Variants in PRR16 observed in about 807,000 individuals in gnomAD.
The protein encoded by PRR16 is protein Largen.
A neutral mutation model predicts 18.2 loss-of-function variants in PRR16; 6 were observed. That is an observed-to-expected ratio of 0.33 (90% confidence interval 0.18 to 0.65). PRR16 has a LOEUF of 0.65. PRR16 is among the 30% of genes least tolerant of loss of function. The pLI, the probability that PRR16 is intolerant of heterozygous loss-of-function variation, is 0.74. For missense variants in PRR16, 412 were observed against 376.6 expected (o/e 1.09, Z -0.78); for synonymous variants, 151 against 147.8 (o/e 1.02, Z -0.16).
intron 1 of PRR16, among the ~76,000 whole-genome samples, chr5:120,545,021 T>C (rs13174421): frequency 0.052 from 7,977 of 152,248 alleles, 304 homozygotes; most frequent in Middle Eastern, 0.088. Flanking sequence ...GATTTCCTTG[T>C]AGCCCAAGTC....
At chr5:120,490,683 C>G (rs989511225) in intron 1 of PRR16, among the ~76,000 whole-genome samples, 7 of 152,168 alleles carry the variant, frequency 4.6e-5, no homozygotes, top group African/African-American at 1.7e-4. Context: ...AGCTTTGTTC[C>G]GTTGCTGGTG....
At chr5:120,631,967 C>G (rs1032038392) in intron 1 of PRR16, among the ~76,000 whole-genome samples, 1 of 152,102 alleles carries the variant, frequency 6.6e-6, no homozygotes, top group Non-Finnish European at 1.5e-5. Context: ...AACCAGAGAC[C>G]CTCACAGAGT....
chr5:120,573,050 C>G (rs1163366815), intron 1 of PRR16, among the ~76,000 whole-genome samples: 12 of 152,012 alleles, frequency 7.9e-5, no homozygotes, highest in Admixed American at 5.9e-4. Context: ...TTTAGTATGC[C>G]TCTTGTCTCC....
At chr5:120,667,548 G>A (rs1232855109) in intron 1 of PRR16, among the ~76,000 whole-genome samples, 2 of 151,042 alleles carry the variant, frequency 1.3e-5, no homozygotes, top group African/African-American at 4.9e-5. Context: ...TGTGATGTTA[G>A]GGTGTCAATT....
chr5:120,726,137 A>G, the PRR16 span, among the ~76,000 whole-genome samples: 1 of 152,270 alleles, frequency 6.6e-6, no homozygotes, highest in South Asian at 2.1e-4. Context: ...CATAGACTGC[A>G]TGTGATTTTG....
At chr5:120,667,185 T>C (rs1045859527) in intron 1 of PRR16, among the ~76,000 whole-genome samples, 3 of 150,376 alleles carry the variant, frequency 2.0e-5, no homozygotes, top group African/African-American at 7.3e-5. Context: ...GGTTTAGTCT[T>C]GGGAGAGTGT....
At chr5:120,637,909 AG>A (rs1244847358) in intron 1 of PRR16, among the ~76,000 whole-genome samples, 1 of 152,148 alleles carries the variant, frequency 6.6e-6, no homozygotes, top group East Asian at 1.9e-4. Flanking sequence ...CAGACATAAT[AG>A]TAACCTTTTG....
intron 1 of PRR16, among the ~76,000 whole-genome samples, chr5:120,513,034 C>G (rs748346736): frequency 1.8e-4 from 27 of 152,082 alleles, no homozygotes; most frequent in Non-Finnish European, 2.9e-4. Flanking sequence ...GTCATGGCGT[C>G]AGGTGTATAA....
chr5:120,728,488 T>C, the PRR16 span, among the ~76,000 whole-genome samples: 41 of 152,252 alleles, frequency 2.7e-4, no homozygotes, highest in Non-Finnish European at 3.8e-4. Context: ...ATTTTCTCCA[T>C]TGATGGCAAT....
chr5:120,622,141 G>T (rs1262365554), intron 1 of PRR16, among the ~76,000 whole-genome samples: 8 of 152,154 alleles, frequency 5.3e-5, no homozygotes, highest in Admixed American at 2.6e-4. Flanking sequence ...TTGTTTGTGT[G>T]TTTCTTTTCT....
At chr5:120,676,810 T>G (rs991718833) in intron 1 of PRR16, among the ~76,000 whole-genome samples, 5 of 152,122 alleles carry the variant, frequency 3.3e-5, no homozygotes, top group Admixed American at 2.0e-4. Flanking sequence ...AGTTCTAGTC[T>G]TCCCTTTGGA....
At chr5:120,730,905 T>A in the PRR16 span, among the ~76,000 whole-genome samples, 1 of 152,174 alleles carries the variant, frequency 6.6e-6, no homozygotes, top group Non-Finnish European at 1.5e-5. Flanking sequence ...GCTCTTTTTA[T>A]TGCCTCTGGA....
intron 1 of PRR16, among the ~76,000 whole-genome samples, chr5:120,650,641 C>G (rs1043791343): frequency 2.0e-5 from 3 of 152,056 alleles, no homozygotes; most frequent in African/African-American, 7.2e-5. Context: ...ATCCATGTCC[C>G]TACAAAGGAC....
At chr5:120,780,137 C>T in the PRR16 span, among the ~76,000 whole-genome samples, 1 of 152,154 alleles carries the variant, frequency 6.6e-6, no homozygotes, top group Admixed American at 6.5e-5. Context: ...TACAGATTCT[C>T]AGACCTACCA....
At chr5:120,513,527 T>C (rs1396140529) in intron 1 of PRR16, among the ~76,000 whole-genome samples, 1 of 152,078 alleles carries the variant, frequency 6.6e-6, no homozygotes, top group East Asian at 1.9e-4. Context: ...TTCACATGTT[T>C]CCTCCACCTG....
chr5:120,658,986 G>A (rs1269775712), intron 1 of PRR16, among the ~76,000 whole-genome samples: 3 of 151,634 alleles, frequency 2.0e-5, no homozygotes, highest in African/African-American at 7.3e-5. Context: ...TCTTTCAGCA[G>A]TTCAGTGTGG....
intron 1 of PRR16, among the ~76,000 whole-genome samples, chr5:120,637,057 G>T (rs1396526869): frequency 6.6e-6 from 1 of 151,910 alleles, no homozygotes; most frequent in South Asian, 2.1e-4. Flanking sequence ...AATTATCAGG[G>T]AAGTAGAAAT....
the PRR16 span, among the ~76,000 whole-genome samples, chr5:120,786,885 A>G: frequency 3.3e-5 from 5 of 152,242 alleles, no homozygotes; most frequent in South Asian, 1.0e-3. Flanking sequence ...CACATTTTGC[A>G]TATTGCATTT....
intron 1 of PRR16, among the ~76,000 whole-genome samples, chr5:120,633,504 A>T (rs1451143388): frequency 1.3e-5 from 2 of 152,120 alleles, no homozygotes; most frequent in Non-Finnish European, 2.9e-5. Flanking sequence ...ACTCACATAA[A>T]CTTAAGGTAA....
Sources: gnomAD v4.1 joint callset for allele counts (sites outside exome capture counted in the v4.1 genomes callset) on GRCh38, gnomAD v4.1.1 for gene constraint, MANE v1.5 for transcripts, NCBI Gene and HGNC (gene_info 2026-07-23, HGNC 2026-07-21) for gene names.